CCNB3: variants seen among roughly 807,000 people sequenced by gnomAD.
CCNB3 encodes the protein cyclin B3.
Under a neutral mutation model 68.0 loss-of-function variants are expected in CCNB3, and 12 were observed. The ratio of observed to expected loss-of-function variants is 0.18; its 90% CI spans 0.11 to 0.29. CCNB3 has a LOEUF of 0.29. Among genes scored for constraint, CCNB3 ranks in the 10% least tolerant of loss-of-function variants. The probability of loss-of-function intolerance (pLI) is 1.00; values close to 1 mark genes in which losing one functional copy is unlikely to be tolerated. For synonymous variants in CCNB3, 354 were observed against 388.9 expected (o/e 0.91, Z 1.06); for missense variants, 904 against 993.1 (o/e 0.91, Z 1.21).
intron 1 of CCNB3, among the ~76,000 whole-genome samples, chrX:50,210,498 C>T (rs1236044153): frequency 8.9e-6 from 1 of 112,005 alleles, no homozygotes; most frequent in Non-Finnish European, 1.9e-5. Flanking sequence ...GGTGGATAGA[C>T]CTTTTCCTCT....
At chrX:50,208,922 T>A (rs1285888984) in intron 1 of CCNB3, among the ~76,000 whole-genome samples, 1 of 111,958 alleles carries the variant, frequency 8.9e-6, no homozygotes, top group Non-Finnish European at 1.9e-5. Context: ...TATTTAAAAC[T>A]GGGACTATTC....
intron 8 of CCNB3, among the ~76,000 whole-genome samples, chrX:50,327,393 C>A (rs1301658472): frequency 2.7e-5 from 3 of 112,556 alleles, no homozygotes; most frequent in Admixed American, 9.4e-5. Flanking sequence ...TATCATCTTA[C>A]ATTCAAGGAA....
At chrX:50,227,324 A>G (rs1935887994) in intron 1 of CCNB3, among the ~76,000 whole-genome samples, 1 of 85,555 alleles carries the variant, frequency 1.2e-5, no homozygotes, top group Admixed American at 1.7e-4. Context: ...TACAGAATAT[A>G]TATAAATATA....
chrX:50,346,500 A>C (rs1412900098), intron 9 of CCNB3, 152 bp from the exon 10 acceptor site: 8 of 534,284 alleles, frequency 1.5e-5, no homozygotes, highest in Non-Finnish European at 2.4e-5. Flanking sequence ...TTTTCTGATG[A>C]GCCACTCACA....
intron 1 of CCNB3, among the ~76,000 whole-genome samples, chrX:50,208,883 T>TG (rs1935425472): frequency 8.9e-6 from 1 of 111,905 alleles, no homozygotes; most frequent in Non-Finnish European, 1.9e-5. Context: ...ATTACTCTTT[T>TG]GGGGAATTTT....
chrX:50,279,777 T>A (rs1386990112), intron 1 of CCNB3, among the ~76,000 whole-genome samples: 3 of 89,851 alleles, frequency 3.3e-5, no homozygotes, highest in African/African-American at 8.1e-5. Context: ...AATATGTATA[T>A]TCATATATGT....
chrX:50,349,787 T>A (rs144466852), intron 11 of CCNB3, among the ~76,000 whole-genome samples: 13 of 112,082 alleles, frequency 1.2e-4, no homozygotes, highest in South Asian at 3.8e-4. Flanking sequence ...TTTGTGGGCT[T>A]CTTAGCTCAC....
intron 8 of CCNB3, among the ~76,000 whole-genome samples, chrX:50,316,425 A>G (rs1921729303): frequency 8.9e-6 from 1 of 112,442 alleles, no homozygotes; most frequent in Admixed American, 9.4e-5. Context: ...TAAGGATAAA[A>G]TTACTATGAA....
At chrX:50,345,473 TCTCC>T (rs1923356126) in intron 9 of CCNB3, among the ~76,000 whole-genome samples, 1 of 108,485 alleles carries the variant, frequency 9.2e-6, no homozygotes, top group Non-Finnish European at 1.9e-5. Context: ...TCACCTGCTC[TCTCC>T]CTCCCTCACC....
At chrX:50,332,637 G>A (rs1922653149) in intron 8 of CCNB3, among the ~76,000 whole-genome samples, 1 of 111,162 alleles carries the variant, frequency 9.0e-6, no homozygotes, top group African/African-American at 3.3e-5. Context: ...TCGCCTCCCA[G>A]ATTTCATTGG....
At chrX:50,226,560 T>C (rs1461191037) in intron 1 of CCNB3, among the ~76,000 whole-genome samples, 1 of 59,887 alleles carries the variant, frequency 1.7e-5, no homozygotes, top group Non-Finnish European at 2.9e-5. Flanking sequence ...ATAGAATATA[T>C]ATATAAATAT....
At chrX:50,217,003 T>C (rs913521976) in intron 1 of CCNB3, among the ~76,000 whole-genome samples, 3 of 111,411 alleles carry the variant, frequency 2.7e-5, no homozygotes, top group South Asian at 3.8e-4. Flanking sequence ...TGTACCTACA[T>C]TGAGAACCAC....
intron 1 of CCNB3, among the ~76,000 whole-genome samples, chrX:50,221,907 GTC>G (rs1935680470): frequency 9.0e-6 from 1 of 111,027 alleles, no homozygotes; most frequent in African/African-American, 3.3e-5. Context: ...GGGAGTCTAA[GTC>G]TCTGTAGGTT....
intron 1 of CCNB3, among the ~76,000 whole-genome samples, chrX:50,224,734 C>T (rs1239105327): frequency 7.2e-5 from 8 of 111,335 alleles, no homozygotes; most frequent in Admixed American, 3.9e-4. Flanking sequence ...CAAGAAGATG[C>T]TCATTTACTT....
chrX:50,228,563 C>T (rs1466174520), intron 1 of CCNB3, among the ~76,000 whole-genome samples: 1 of 79,650 alleles, frequency 1.3e-5, no homozygotes, highest in Admixed American at 1.7e-4. Context: ...ATATAGAATA[C>T]AGATAATATA....
chrX:50,326,785 C>T (rs1182817868), intron 8 of CCNB3, among the ~76,000 whole-genome samples: 2 of 111,335 alleles, frequency 1.8e-5, no homozygotes, highest in Non-Finnish European at 3.8e-5. Context: ...CATAAATAGA[C>T]ACTTACTCTG....
chrX:50,309,113 C>G lies in CCNB3; in HGVS notation c.944C>G (p.Ser315Cys). 1 of 1,210,627 alleles carries G rather than the reference C, an allele frequency of 8.3e-7. No individual in the cohort carries two copies. Among genetic ancestry groups the G allele is most frequent in the Non-Finnish European group, 1.1e-6 (1 of 894,607 alleles). The change falls in exon 6 of 13, where the codon TCC (serine) becomes TGC (cysteine). Residue 315 changes from serine (S) to cysteine (C), a missense_variant. Around this residue, in one of 2 missense-constraint regions of CCNB3, gnomAD observed 619 missense variants for 609.8 expected, o/e 1.02. Transcript: ENST00000376042. ...ACAACCATCTGTGGAGCAATGTCCT[C>G]CATTAAGAAGCCTACCACTGAGAAG... Reference protein sequence around the residue: ...LQTTICGAMSSIKKPTTEKET... With the variant: ...LQTTICGAMSCIKKPTTEKET...
chrX:50,328,618 A>G (rs1016509431), intron 8 of CCNB3, among the ~76,000 whole-genome samples: 10 of 111,165 alleles, frequency 9.0e-5, no homozygotes, highest in Non-Finnish European at 1.3e-4. Flanking sequence ...CATCCAAACT[A>G]TATCATTTCA....
chrX:50,315,111 C>T (rs965340076), intron 8 of CCNB3, among the ~76,000 whole-genome samples: 1 of 111,586 alleles, frequency 9.0e-6, no homozygotes, highest in Non-Finnish European at 1.9e-5. Context: ...CATTTGTTTG[C>T]ATATATTATC....
Sources: allele counts gnomAD v4.1 joint callset (sites outside exome capture counted in the v4.1 genomes callset), GRCh38; gene constraint gnomAD v4.1.1; regional missense constraint gnomAD v4.1.1; transcripts MANE v1.5; gene names NCBI Gene and HGNC (gene_info 2026-07-23, HGNC 2026-07-21).